ZFAT: variants seen among roughly 807,000 people sequenced by gnomAD.
ZFAT encodes zinc finger protein ZFAT.
In ZFAT, 64 loss-of-function variants were observed where a neutral mutation model predicts 117.7. The ratio of observed to expected loss-of-function variants is 0.54; its 90% CI spans 0.44 to 0.67. ZFAT has a LOEUF of 0.67. Ranked by LOEUF, ZFAT falls within the 30% of genes least tolerant of loss-of-function variation. The probability of loss-of-function intolerance (pLI) is 0.00; values close to 1 mark genes in which losing one functional copy is unlikely to be tolerated. For synonymous variants in ZFAT, 679 were observed against 615.0 expected, an observed-to-expected ratio of 1.10 and a Z score of -1.54; for missense variants, 1,433 against 1,584.5, an observed-to-expected ratio of 0.90 and a Z score of 1.62.
At chr8:134,763,375 T>A in the ZFAT span, among the ~76,000 whole-genome samples, 1 of 152,176 alleles carries the variant, frequency 6.6e-6, no homozygotes, top group Non-Finnish European at 1.5e-5. Context: ...AGCTTTTTTC[T>A]TGTTTCCTCT....
chr8:134,567,467 CCAT>C (rs1824551382), intron 10 of ZFAT, among the ~76,000 whole-genome samples: 1 of 151,404 alleles, frequency 6.6e-6, no homozygotes, highest in Non-Finnish European at 1.5e-5. Context: ...ATCCATCCAT[CCAT>C]CCATCCATCC....
chr8:134,665,341 G>A (rs1007270000), intron 1 of ZFAT, among the ~76,000 whole-genome samples: 5 of 152,224 alleles, frequency 3.3e-5, no homozygotes, highest in Admixed American at 1.3e-4. Flanking sequence ...AAGGGGTGAT[G>A]AGGGTCAGTT....
At chr8:134,530,095 C>A (rs1387454962) in intron 12 of ZFAT, among the ~76,000 whole-genome samples, 1 of 152,212 alleles carries the variant, frequency 6.6e-6, no homozygotes. Flanking sequence ...TAGCTTTGCA[C>A]ATGTCACAGT....
chr8:134,655,988 AGGTGACT>A (rs1831579258), intron 2 of ZFAT, among the ~76,000 whole-genome samples: 1 of 152,182 alleles, frequency 6.6e-6, no homozygotes, highest in African/African-American at 2.4e-5. Flanking sequence ...CAAAAGGCGG[AGGTGACT>A]AAACACAGTT....
chr8:134,643,433 A>G (rs1563718217), intron 2 of ZFAT, among the ~76,000 whole-genome samples: 1 of 152,254 alleles, frequency 6.6e-6, no homozygotes, highest in Non-Finnish European at 1.5e-5. Flanking sequence ...CCTGGGCTGG[A>G]AAGTACACGG....
chr8:134,645,014 C>T (rs1212924285), intron 2 of ZFAT, among the ~76,000 whole-genome samples: 1 of 152,164 alleles, frequency 6.6e-6, no homozygotes, highest in East Asian at 1.9e-4. Context: ...CATGGGATCA[C>T]ACACACGAGA....
At chr8:134,608,993 AC>A (rs1828115747) in intron 4 of ZFAT, 114 bp from the exon 5 acceptor site, 1 of 1,263,016 alleles carries the variant, frequency 7.9e-7, no homozygotes. Context: ...TCTGATACCC[AC>A]GCAAGATAGT....
the ZFAT span, among the ~76,000 whole-genome samples, chr8:134,725,014 G>A: frequency 1.3e-5 from 2 of 152,124 alleles, no homozygotes; most frequent in Non-Finnish European, 2.9e-5. Context: ...GGCCTTGCTT[G>A]AGAAAACAGC....
At chr8:134,636,730 C>T (rs1028594945) in intron 3 of ZFAT, among the ~76,000 whole-genome samples, 1 of 152,198 alleles carries the variant, frequency 6.6e-6, no homozygotes, top group Non-Finnish European at 1.5e-5. Context: ...CCTAACTGCT[C>T]CAGCGTAGCC....
At chr8:134,682,514 G>A (rs931574664) in intron 1 of ZFAT, among the ~76,000 whole-genome samples, 10 of 152,184 alleles carry the variant, frequency 6.6e-5, no homozygotes, top group African/African-American at 1.7e-4. Flanking sequence ...AATTAGCCGG[G>A]TGTGGTGGCG....
At chr8:134,576,395 T>TCCA (rs1481085880) in intron 10 of ZFAT, among the ~76,000 whole-genome samples, 7 of 152,026 alleles carry the variant, frequency 4.6e-5, no homozygotes, top group Non-Finnish European at 1.0e-4. Context: ...TCCAGCCCAG[T>TCCA]GATAAGCAAC....
chr8:134,560,397 G>A (rs1248871263), intron 11 of ZFAT, among the ~76,000 whole-genome samples: 1 of 152,086 alleles, frequency 6.6e-6, no homozygotes, highest in African/African-American at 2.4e-5. Context: ...AGCACAAAGA[G>A]GTATCCTCTT....
chr8:134,532,026 A>AT (rs527850709), intron 12 of ZFAT, among the ~76,000 whole-genome samples: 1 of 152,186 alleles, frequency 6.6e-6, no homozygotes, highest in Non-Finnish European at 1.5e-5. Flanking sequence ...TGCTGCAATC[A>AT]TTTTTTAGCT....
chr8:134,751,744 A>G, the ZFAT span, among the ~76,000 whole-genome samples: 3 of 152,170 alleles, frequency 2.0e-5, no homozygotes, highest in African/African-American at 7.2e-5. Context: ...TAAAATCCCT[A>G]GAAAAGGAGG....
At chr8:134,823,605 A>C in the ZFAT span, among the ~76,000 whole-genome samples, 1 of 152,236 alleles carries the variant, frequency 6.6e-6, no homozygotes, top group African/African-American at 2.4e-5. Context: ...GAATTCAGGC[A>C]GGATAGCTCC....
chr8:134,717,466 CT>C (rs746460924), upstream of ZFAT, among the ~76,000 whole-genome samples: 1 of 19,350 alleles, frequency 5.2e-5, no homozygotes, highest in African/African-American at 1.1e-4. Context: ...AATAACAACT[CT>C]TTTTTTTTTT....
At chr8:134,488,880 G>A (rs906253418) in intron 15 of ZFAT, among the ~76,000 whole-genome samples, 2 of 151,656 alleles carry the variant, frequency 1.3e-5, no homozygotes, top group Non-Finnish European at 2.9e-5. Flanking sequence ...AAAGCACCGG[G>A]CAGAGCAAAG....
chr8:134,689,264 C>A (rs746300651), intron 1 of ZFAT, among the ~76,000 whole-genome samples: 1 of 152,228 alleles, frequency 6.6e-6, no homozygotes. Context: ...TTAATTAGCA[C>A]GTCATTGAAA....
At chr8:134,710,267 A>G (rs1563779178) in intron 1 of ZFAT, among the ~76,000 whole-genome samples, 1 of 152,234 alleles carries the variant, frequency 6.6e-6, no homozygotes, top group Non-Finnish European at 1.5e-5. Flanking sequence ...AGAGGATAGG[A>G]AGGAAGGGCC....
Sources: gnomAD v4.1 joint callset for allele counts (sites outside exome capture counted in the v4.1 genomes callset) on GRCh38, gnomAD v4.1.1 for gene constraint, MANE v1.5 for transcripts, NCBI Gene and HGNC (gene_info 2026-07-23, HGNC 2026-07-21) for gene names.